UPF2: variants seen among roughly 807,000 people sequenced by gnomAD.
UPF2 encodes the protein regulator of nonsense transcripts 2.
A neutral mutation model predicts 141.4 loss-of-function variants in UPF2; 17 were observed. The ratio of observed to expected loss-of-function variants is 0.12; its 90% confidence interval spans 0.08 to 0.18. UPF2 has a LOEUF of 0.18. UPF2 is among the 10% of genes least tolerant of loss of function. The pLI, the probability that UPF2 is intolerant of heterozygous loss-of-function variation, is 1.00. For missense variants in UPF2, 1,152 were observed against 1,515.9 expected, an observed-to-expected ratio of 0.76 and a Z score of 3.99; for synonymous variants, 540 against 498.0, an observed-to-expected ratio of 1.08 and a Z score of -1.12.
chr10:12,012,085 T>C (rs879289153), intron 4 of UPF2, among the ~76,000 whole-genome samples: 6 of 151,456 alleles, frequency 4.0e-5, no homozygotes, highest in Admixed American at 6.6e-5. Flanking sequence ...TGTTTTTTTT[T>C]TTTGAGACGG....
At chr10:11,930,055 AAAT>A (rs745581972) in intron 20 of UPF2, 70 bp from the exon 21 acceptor site, 99 of 1,598,636 alleles carry the variant, frequency 6.2e-5, no homozygotes, top group Non-Finnish European at 8.1e-5. Context: ...AGAGTGAACG[AAAT>A]GTTGGGGAGA....
intron 1 of UPF2, among the ~76,000 whole-genome samples, chr10:12,041,550 G>A (rs531511384): frequency 6.6e-6 from 1 of 152,136 alleles, no homozygotes; most frequent in African/African-American, 2.4e-5. Flanking sequence ...CCCTTTTAAA[G>A]ACATTCCCTT....
chr10:11,942,960 T>A lies in UPF2; in HGVS notation c.3279+104A>T. 4.0e-6 allele frequency: 4 copies of A among 989,284 alleles called. No homozygotes were observed. The Admixed American group carries it at 8.1e-5, about 20-fold the overall frequency. The allele number at this position is 989,284 out of a possible 1,614,324, so 61.3% of individuals were successfully genotyped here. On this transcript the variant is annotated intron_variant, in intron 17 of 21. Coordinates refer to ENST00000357604, the MANE Select transcript of UPF2 (RefSeq NM_015542.4). ...AATTGAAAATGAATTTCTAAAGAAA[T>A]ATTTTTCATAATCAAAAGAAACAAA...
chr10:11,962,208 A>G (rs1833252401), intron 11 of UPF2, among the ~76,000 whole-genome samples: 1 of 152,176 alleles, frequency 6.6e-6, no homozygotes, highest in Non-Finnish European at 1.5e-5. Flanking sequence ...ACATACCCCA[A>G]ACTAATTTTA....
At chr10:12,027,318 T>A (rs1023945012) in intron 3 of UPF2, among the ~76,000 whole-genome samples, 4 of 152,250 alleles carry the variant, frequency 2.6e-5, no homozygotes, top group African/African-American at 9.6e-5. Flanking sequence ...TCCAAGATTC[T>A]GAGTCCAATC....
chr10:12,003,065 A>G (rs551795369), intron 5 of UPF2, among the ~76,000 whole-genome samples: 1 of 152,298 alleles, frequency 6.6e-6, no homozygotes, highest in Admixed American at 6.5e-5. Flanking sequence ...CTACCTCTAG[A>G]TGAAAACAGA....
chr10:12,006,610 C>T (rs919021400), intron 4 of UPF2, among the ~76,000 whole-genome samples: 2 of 152,038 alleles, frequency 1.3e-5, no homozygotes, highest in African/African-American at 4.8e-5. Flanking sequence ...AAAACACTGA[C>T]ATATTTACAA....
rs978755970 is a variant in UPF2 at position 11,930,127 on chromosome 10, A to G, written c.3689-142T>C. 6 of 1,176,430 alleles carry G rather than the reference A, an allele frequency of 5.1e-6. No individual in the cohort carries two copies. The Admixed American group carries it at 1.3e-4, about 26-fold the overall frequency. The allele number at this position is 1,176,430 out of a possible 1,614,324, so 72.9% of individuals were successfully genotyped here. A position where few individuals can be genotyped will look rare whatever the true frequency, so the allele number is the denominator to read the frequency against. On this transcript the variant is annotated intron_variant, in intron 20 of 21. Coordinates refer to ENST00000357604, the MANE Select transcript of UPF2 (RefSeq NM_015542.4). ...AAGAAAAATAGCCATTATACAGACT[A>G]AAATGATTAAGAAGTTTTAAAAGAG...
Position 12,029,050 on chromosome 10 carries a change from G to T in UPF2, c.840C>A (p.Asp280Glu). The T allele has an allele frequency of 6.2e-7, 1 of 1,614,162 alleles. No homozygotes were observed. Among genetic ancestry groups the T allele is most frequent in the Middle Eastern group, 1.6e-4 (1 of 6,062 alleles). ...AELTIVGIFT[D>E]KEGLSLIYEQ... ...CATAGATTAAGGAAAGACCTTCCTT[G>T]TCAGTGAAAATCCCAACTATTGTCA... Residue 280 changes from aspartate (D) to glutamate (E), a missense_variant, in exon 3 of 22, where the codon GAC becomes GAA. Physicochemically the swap from Asp to Glu is conservative, Grantham distance 45. Around this residue, in one of 4 missense-constraint regions of UPF2, gnomAD observed 739 missense variants for 1,032.2 expected, o/e 0.72. Transcript: ENST00000357604.
rs761311555 is a variant in UPF2 at position 11,942,745 on chromosome 10, C to T, written c.3298G>A (p.Gly1100Ser). ...EENTEVMIKGGGLKHVPCVED... is the reference protein window; with the variant it reads ...EENTEVMIKGSGLKHVPCVED... Reference sequence around the variant, plus strand: ...ACACAAGGTACATGCTTAAGTCCACCGCCTTTAATCATTACCTCCTTATTA... The same window carrying T: ...ACACAAGGTACATGCTTAAGTCCACTGCCTTTAATCATTACCTCCTTATTA... Residue 1100 changes from glycine to serine, a missense_variant, in exon 18 of 22, where the codon GGT (glycine) becomes AGT (serine). This residue lies in a region of UPF2 where 202 missense variants were observed against 223.6 expected (regional missense o/e 0.90). Transcript: ENST00000357604. 5.0e-6 allele frequency: 8 copies of T among 1,613,692 alleles called. No individual in the cohort carries two copies. Among genetic ancestry groups the T allele is most frequent in the South Asian group, 4.4e-5 (4 of 91,056 alleles).
chr10:12,009,055 T>C (rs1406182167), intron 4 of UPF2, among the ~76,000 whole-genome samples: 1 of 152,208 alleles, frequency 6.6e-6, no homozygotes, highest in African/African-American at 2.4e-5. Flanking sequence ...TATTCCATGG[T>C]GTATATGTAC....
At chr10:11,967,546 GTTTTTTT>G in intron 9 of UPF2, 92 bp from the exon 10 acceptor site, 2 of 242,712 alleles carry the variant, frequency 8.2e-6, no homozygotes, top group Admixed American at 7.9e-5. Flanking sequence ...ATTCACTCCA[GTTTTTTT>G]TTTTTTTTTT....
At chr10:12,003,862 T>G (rs189070190) in intron 5 of UPF2, among the ~76,000 whole-genome samples, 1 of 143,278 alleles carries the variant, frequency 7.0e-6, no homozygotes, top group Non-Finnish European at 1.5e-5. Context: ...GAAGCGTAGG[T>G]TGCAGTGAGC....
At chr10:12,008,878 G>A (rs887391146) in intron 4 of UPF2, among the ~76,000 whole-genome samples, 2 of 151,866 alleles carry the variant, frequency 1.3e-5, no homozygotes, top group Non-Finnish European at 2.9e-5. Flanking sequence ...AGTGTGTGTT[G>A]TTCCCCTCCC....
chr10:12,042,493 A>T lies in UPF2; in HGVS notation c.-19+262T>A, dbSNP rs984986415. Among the ~76,000 whole-genome samples, 2 of 151,964 alleles carry T rather than the reference A, an allele frequency of 1.3e-5. No homozygotes were observed. Among genetic ancestry groups the T allele is most frequent in the Non-Finnish European group, 2.9e-5 (2 of 67,970 alleles). On this transcript the variant is annotated intron_variant, in intron 1 of 21. Coordinates refer to ENST00000357604, the MANE Select transcript of UPF2 (RefSeq NM_015542.4). The surrounding 1 kb of genome is among the most constrained non-coding windows in gnomAD (Gnocchi z 5.5). ...TCCAGTCTCGAGGCCCGGCCCAGGC[A>T]TGTGGGGCAGGCACCTCCTCCACCG...
chr10:11,966,563 T>C lies in UPF2; in HGVS notation c.2067+778A>G, dbSNP rs188686752. The stretch of plus-strand genomic sequence containing the variant: ...CCTCAGCCTCCCGAGTAGCTGGGAT[T>C]ACAGGTGCATACCACCATGCCTGGC... On this transcript the variant is annotated intron_variant, in intron 10 of 21. Transcript: ENST00000357604. Among the ~76,000 whole-genome samples, 4 of 152,302 alleles carry C rather than the reference T, an allele frequency of 2.6e-5. 1 individual carries two copies. In the East Asian group the frequency reaches 7.7e-4, roughly 29 times the overall value.
chr10:11,987,617 C>A (rs749147738), intron 8 of UPF2, among the ~76,000 whole-genome samples: 4 of 151,628 alleles, frequency 2.6e-5, no homozygotes, highest in Non-Finnish European at 5.9e-5. Context: ...TAAAAATTAG[C>A]CAGGAGTGGT....
At chr10:12,037,541 G>A (rs779243928) in intron 1 of UPF2, among the ~76,000 whole-genome samples, 16 of 151,326 alleles carry the variant, frequency 1.1e-4, no homozygotes, top group Admixed American at 2.0e-4. Context: ...GATTATAAGT[G>A]TGTGCCATCA....
At chr10:11,970,110 G>T (rs986626065) in intron 9 of UPF2, among the ~76,000 whole-genome samples, 1 of 152,120 alleles carries the variant, frequency 6.6e-6, no homozygotes, top group Non-Finnish European at 1.5e-5. Context: ...ATTATCTTGA[G>T]CAAGTCATAT....
Sources: gnomAD v4.1 joint callset for allele counts (sites outside exome capture counted in the v4.1 genomes callset) on GRCh38, gnomAD v4.1.1 for gene constraint, gnomAD v4.1.1 regional missense constraint, Gnocchi (gnomAD v3.1) non-coding constraint, MANE v1.5 for transcripts, NCBI Gene and HGNC (gene_info 2026-07-23, HGNC 2026-07-21) for gene names.